PTPRN2: variants seen among roughly 807,000 people sequenced by gnomAD.
PTPRN2 encodes receptor-type tyrosine-protein phosphatase N2.
A neutral mutation model predicts 118.8 loss-of-function variants in PTPRN2; 74 were observed. The ratio of observed to expected loss-of-function variants is 0.62; its 90% CI spans 0.52 to 0.76. PTPRN2 has a LOEUF of 0.76. Among genes scored for constraint, PTPRN2 ranks in the 30% least tolerant of loss-of-function variants. PTPRN2 has a pLI of 0.00. For synonymous variants in PTPRN2, 641 were observed against 608.0 expected (o/e 1.05, Z -0.80); for missense variants, 1,481 against 1,394.4 (o/e 1.06, Z -0.99).
intron 12 of PTPRN2, among the ~76,000 whole-genome samples, chr7:157,722,027 C>A (rs1799267645): frequency 6.6e-6 from 1 of 152,188 alleles, no homozygotes; most frequent in Admixed American, 6.5e-5. Context: ...TTCAGTCTCG[C>A]CCCCCACCCC....
At chr7:158,146,695 T>A (rs111434998) in intron 6 of PTPRN2, among the ~76,000 whole-genome samples, 7 of 140,036 alleles carry the variant, frequency 5.0e-5, no homozygotes, top group Non-Finnish European at 7.6e-5. Context: ...CACTCCAGCC[T>A]GGGCGACAGA....
At chr7:158,224,995 T>A (rs1289366991) in intron 3 of PTPRN2, among the ~76,000 whole-genome samples, 1 of 151,970 alleles carries the variant, frequency 6.6e-6, no homozygotes, top group African/African-American at 2.4e-5. Flanking sequence ...CAGGGAAATG[T>A]CAATTACACC....
At chr7:157,685,887 C>A (rs1320456038) in intron 12 of PTPRN2, among the ~76,000 whole-genome samples, 2 of 152,188 alleles carry the variant, frequency 1.3e-5, no homozygotes, top group Non-Finnish European at 2.9e-5. Flanking sequence ...CTCCCTGCTG[C>A]CTAGGCCCGC....
chr7:158,295,242 AG>A, intron 3 of PTPRN2, among the ~76,000 whole-genome samples: 1 of 19,264 alleles, frequency 5.2e-5, no homozygotes, highest in South Asian at 2.4e-3. Context: ...CTGTCTGCCC[AG>A]ACACTGCGCC....
chr7:158,190,739 C>G (rs953884702), intron 5 of PTPRN2, among the ~76,000 whole-genome samples: 1 of 152,266 alleles, frequency 6.6e-6, no homozygotes, highest in Non-Finnish European at 1.5e-5. Context: ...AGCAGCCTCT[C>G]AACTGTGGCC....
intron 11 of PTPRN2, among the ~76,000 whole-genome samples, chr7:158,080,018 C>G (rs1046710909): frequency 6.6e-6 from 1 of 152,152 alleles, no homozygotes; most frequent in Non-Finnish European, 1.5e-5. Flanking sequence ...ATTTCAACCA[C>G]AAATTCTCAG....
chr7:157,807,512 G>C (rs983627420), intron 12 of PTPRN2, among the ~76,000 whole-genome samples: 1 of 152,210 alleles, frequency 6.6e-6, no homozygotes, highest in East Asian at 1.9e-4. Context: ...GCCATGGGGA[G>C]GGAAGAGGTG....
intron 2 of PTPRN2, among the ~76,000 whole-genome samples, chr7:158,345,013 G>A (rs1049441067): frequency 7.2e-5 from 11 of 152,204 alleles, no homozygotes; most frequent in Admixed American, 6.5e-4. Context: ...GGAAAGTATG[G>A]TGCGGACACC....
chr7:157,841,656 C>T (rs1396972671), intron 12 of PTPRN2, among the ~76,000 whole-genome samples: 1 of 152,184 alleles, frequency 6.6e-6, no homozygotes, highest in Non-Finnish European at 1.5e-5. Flanking sequence ...CTGGCGGACT[C>T]TGAGGCTCAT....
At chr7:158,386,345 CT>C (rs1167213732) in intron 2 of PTPRN2, among the ~76,000 whole-genome samples, 3 of 137,148 alleles carry the variant, frequency 2.2e-5, no homozygotes, top group African/African-American at 8.3e-5. Context: ...TTCTGTACCC[CT>C]CCTCCCTCCT....
intron 12 of PTPRN2, among the ~76,000 whole-genome samples, chr7:157,894,209 G>A (rs575493806): frequency 7.2e-5 from 11 of 152,350 alleles, no homozygotes; most frequent in South Asian, 2.1e-4. Context: ...GCACAAAGCC[G>A]AGAGCACAGG....
intron 11 of PTPRN2, among the ~76,000 whole-genome samples, 170 bp downstream of exon 11, chr7:158,081,128 G>A (rs555916525): frequency 1.1e-4 from 17 of 152,234 alleles, no homozygotes; most frequent in Middle Eastern, 3.4e-3. Flanking sequence ...ACTGCCCCTC[G>A]TCCCCTCACT....
intron 5 of PTPRN2, among the ~76,000 whole-genome samples, chr7:158,176,608 C>T (rs555185031): frequency 6.6e-6 from 1 of 152,202 alleles, no homozygotes; most frequent in Admixed American, 6.5e-5. Context: ...TGTGAGTGTT[C>T]AGTGGAGGGC....
intron 2 of PTPRN2, among the ~76,000 whole-genome samples, chr7:158,379,157 G>A (rs557953294): frequency 2.6e-5 from 4 of 152,154 alleles, no homozygotes; most frequent in African/African-American, 4.8e-5. Context: ...CTCATAGGCT[G>A]CCCCCTAGAG....
At chr7:158,216,135 A>G (rs1231191103) in intron 3 of PTPRN2, among the ~76,000 whole-genome samples, 3 of 152,156 alleles carry the variant, frequency 2.0e-5, no homozygotes, top group Admixed American at 6.5e-5. Context: ...ATTTCACCCA[A>G]ACTGGTAAAA....
At chr7:158,311,943 A>G (rs1801792760) in intron 3 of PTPRN2, among the ~76,000 whole-genome samples, 3 of 151,282 alleles carry the variant, frequency 2.0e-5, no homozygotes, top group African/African-American at 7.3e-5. Context: ...ACGTGTAGAC[A>G]CCCACATACC....
At chr7:158,071,465 C>CCTG (rs1811631155) in intron 11 of PTPRN2, among the ~76,000 whole-genome samples, 4 of 102,074 alleles carry the variant, frequency 3.9e-5, no homozygotes, top group Admixed American at 2.1e-4. Flanking sequence ...TTGAGGTGCT[C>CCTG]GTGGTGGTGG....
chr7:157,659,421 G>A (rs1294317560), intron 13 of PTPRN2, among the ~76,000 whole-genome samples: 1 of 130,500 alleles, frequency 7.7e-6, no homozygotes, highest in African/African-American at 2.8e-5. Flanking sequence ...GGACTGGGCG[G>A]GAGGTGGATA....
intron 15 of PTPRN2, among the ~76,000 whole-genome samples, chr7:157,613,611 G>A (rs1383827064): frequency 6.6e-6 from 1 of 152,198 alleles, no homozygotes; most frequent in Non-Finnish European, 1.5e-5. Flanking sequence ...GCGGGAGGAG[G>A]CCGCCGCGTT....
Sources: allele counts gnomAD v4.1 joint callset (sites outside exome capture counted in the v4.1 genomes callset), GRCh38; gene constraint gnomAD v4.1.1; transcripts MANE v1.5; gene names NCBI Gene and HGNC (gene_info 2026-07-23, HGNC 2026-07-21).